The following HMCN1 variants were observed in gnomAD, a reference collection of about 807,000 sequenced individuals.
HMCN1 encodes hemicentin-1.
In HMCN1, 321 loss-of-function variants were observed where a neutral mutation model predicts 625.9. The observed-to-expected ratio is 0.51, with a 90% confidence interval of 0.47 to 0.56. HMCN1 has a LOEUF of 0.56. Among genes scored for constraint, HMCN1 ranks in the 20% least tolerant of loss-of-function variants. The pLI is 0.00. For missense variants in HMCN1, 6,588 were observed against 6,887.3 expected, an observed-to-expected ratio of 0.96 and a Z score of 1.54; for synonymous variants, 2,425 against 2,417.6, an observed-to-expected ratio of 1.00 and a Z score of -0.09.
chr1:185,864,889 TC>T (rs2102356301), intron 3 of HMCN1, among the ~76,000 whole-genome samples: 1 of 152,350 alleles, frequency 6.6e-6, no homozygotes, highest in African/African-American at 2.4e-5. Flanking sequence ...TATCATCTTT[TC>T]CTTATAACTG....
At chr1:186,022,111 T>C (rs1654759606) in intron 35 of HMCN1, among the ~76,000 whole-genome samples, 1 of 152,122 alleles carries the variant, frequency 6.6e-6, no homozygotes, top group Admixed American at 6.6e-5. Flanking sequence ...AATTTGATGT[T>C]AAATTTAATG....
chr1:185,861,610 T>C (rs983072083), intron 2 of HMCN1, among the ~76,000 whole-genome samples: 1 of 152,212 alleles, frequency 6.6e-6, no homozygotes, highest in Non-Finnish European at 1.5e-5. Context: ...CTATCCAATA[T>C]ACCAAAATTA....
chr1:186,046,509 T>C (rs1656586874), intron 41 of HMCN1, among the ~76,000 whole-genome samples: 1 of 152,028 alleles, frequency 6.6e-6, no homozygotes, highest in Non-Finnish European at 1.5e-5. Flanking sequence ...ACACTCTTCA[T>C]GTCCTTGATG....
intron 1 of HMCN1, among the ~76,000 whole-genome samples, chr1:185,793,030 T>TATTCC (rs952357443): frequency 2.6e-5 from 4 of 152,332 alleles, no homozygotes; most frequent in African/African-American, 7.2e-5. Flanking sequence ...TGTAGACAGT[T>TATTCC]ACAGCTTCAA....
chr1:185,773,106 A>G (rs1656357680), intron 1 of HMCN1, among the ~76,000 whole-genome samples: 1 of 152,108 alleles, frequency 6.6e-6, no homozygotes, highest in Non-Finnish European at 1.5e-5. Context: ...AGGATAGATC[A>G]TGGTTAGTGT....
chr1:186,151,439 T>C, intron 94 of HMCN1, 90 bp downstream of exon 94: 1 of 1,349,774 alleles, frequency 7.4e-7, no homozygotes, highest in Non-Finnish European at 1.1e-6. Context: ...ATGCTACTAC[T>C]AACTCATAAG....
intron 84 of HMCN1, among the ~76,000 whole-genome samples, 179 bp from the exon 85 acceptor site, chr1:186,130,328 T>C (rs939081813): frequency 2.0e-5 from 3 of 152,182 alleles, no homozygotes; most frequent in Non-Finnish European, 4.4e-5. Context: ...CCTTAGAATA[T>C]TGAAATTGAC....
chr1:186,174,606 G>C lies in HMCN1; in HGVS notation c.15907G>C (p.Gly5303Arg), dbSNP rs1652443409. Reference protein sequence around the residue: ...RGSYRCVCPRGYRSQGVGRPC... With the variant: ...RGSYRCVCPRRYRSQGVGRPC... The stretch of plus-strand genomic sequence containing the variant: ...CAGCTATCGTTGTGTATGCCCAAGA[G>C]GTTATCGGTCTCAAGGAGTTGGAAG... The change falls in exon 103 of 107, where the codon GGT becomes CGT. Residue 5303 changes from glycine (G) to arginine (R), a missense_variant. Gly to Arg is a moderately radical substitution (Grantham distance 125). Transcript: ENST00000271588. 1 of 1,613,896 alleles carries C rather than the reference G, an allele frequency of 6.2e-7. No individual in the cohort carries two copies. The highest frequency in any genetic ancestry group is 1.1e-5 in the South Asian group (1 of 91,076).
chr1:186,008,298 T>G (rs1558139018), intron 30 of HMCN1, among the ~76,000 whole-genome samples: 2 of 152,112 alleles, frequency 1.3e-5, no homozygotes, highest in African/African-American at 4.8e-5. Flanking sequence ...TATTGAGCAC[T>G]TGAAATGTAG....
intron 1 of HMCN1, among the ~76,000 whole-genome samples, chr1:185,838,158 C>T (rs1248881280): frequency 2.6e-5 from 4 of 152,164 alleles, no homozygotes; most frequent in African/African-American, 4.8e-5. Context: ...GCCAGATTCC[C>T]CTTCCCACCA....
intron 1 of HMCN1, among the ~76,000 whole-genome samples, chr1:185,829,671 G>C (rs1558000857): frequency 6.6e-6 from 1 of 152,088 alleles, no homozygotes; most frequent in Non-Finnish European, 1.5e-5. Context: ...GTGGGCATTT[G>C]GGTTGATTCC....
chr1:185,939,592 T>C (rs775178913), intron 11 of HMCN1, among the ~76,000 whole-genome samples: 33 of 152,298 alleles, frequency 2.2e-4, no homozygotes, highest in Middle Eastern at 3.4e-3. Context: ...CATTTCATAC[T>C]TTTCTGTACT....
intron 1 of HMCN1, among the ~76,000 whole-genome samples, chr1:185,738,019 G>A (rs1653712181): frequency 6.6e-6 from 1 of 152,180 alleles, no homozygotes; most frequent in South Asian, 2.1e-4. Flanking sequence ...AGAGTAGGAG[G>A]AGGTACCAGA....
At chr1:186,159,889 G>T (rs899105927) in intron 97 of HMCN1, among the ~76,000 whole-genome samples, 1 of 151,930 alleles carries the variant, frequency 6.6e-6, no homozygotes, top group South Asian at 2.1e-4. Flanking sequence ...GCTCTTTTTT[G>T]GTTGTGTCTC....
intron 1 of HMCN1, among the ~76,000 whole-genome samples, chr1:185,753,274 A>G (rs1654933164): frequency 6.6e-6 from 1 of 152,130 alleles, no homozygotes; most frequent in Non-Finnish European, 1.5e-5. Context: ...ATGAAGATAA[A>G]AAATAGCATA....
chr1:186,086,179 A>G, intron 57 of HMCN1, 67 bp from the exon 58 acceptor site: 1 of 1,411,776 alleles, frequency 7.1e-7, no homozygotes, highest in Non-Finnish European at 1.0e-6. Flanking sequence ...GGTTGGATTT[A>G]TATTTAGTAA....
chr1:185,961,145 A>G (rs746126207), intron 11 of HMCN1, among the ~76,000 whole-genome samples: 22 of 152,192 alleles, frequency 1.4e-4, no homozygotes, highest in Admixed American at 4.6e-4. Flanking sequence ...GAGGGGGACA[A>G]TTGTAAGCTG....
chr1:185,822,643 A>AT (rs1190494299), intron 1 of HMCN1, among the ~76,000 whole-genome samples: 3 of 152,034 alleles, frequency 2.0e-5, no homozygotes, highest in African/African-American at 7.3e-5. Context: ...TAAATTTAAA[A>AT]TTTTTTCTAT....
intron 15 of HMCN1, among the ~76,000 whole-genome samples, chr1:185,976,870 A>G (rs958509576): frequency 6.6e-6 from 1 of 152,098 alleles, no homozygotes; most frequent in Non-Finnish European, 1.5e-5. Context: ...TTAGAATCCT[A>G]TATGAGCAGG....
Sources: gnomAD v4.1 joint callset for allele counts (sites outside exome capture counted in the v4.1 genomes callset) on GRCh38, gnomAD v4.1.1 for gene constraint, MANE v1.5 for transcripts, NCBI Gene and HGNC (gene_info 2026-07-23, HGNC 2026-07-21) for gene names.